The following DCHS2 variants were observed in gnomAD, a reference collection of about 807,000 sequenced individuals.
The protein encoded by DCHS2 is dachsous cadherin-related 2.
DCHS2 carries 142 observed loss-of-function variants against 182.4 expected under a neutral mutation model. That is an observed-to-expected ratio of 0.78 (90% CI 0.68 to 0.89). DCHS2 has a LOEUF of 0.89. Ranked by LOEUF, DCHS2 falls within the 40% of genes least tolerant of loss-of-function variation. The pLI is 0.00. For missense variants in DCHS2, 4,319 were observed against 4,198.6 expected (o/e 1.03, Z -0.79); for synonymous variants, 1,740 against 1,663.3 (o/e 1.05, Z -1.12).
At chr4:154,363,067 G>C (rs914462065) in intron 3 of DCHS2, among the ~76,000 whole-genome samples, 1 of 152,086 alleles carries the variant, frequency 6.6e-6, no homozygotes, top group Non-Finnish European at 1.5e-5. Context: ...AGAATCAACT[G>C]TATATTCTAA....
chr4:154,278,666 C>G (rs933012526), intron 13 of DCHS2, among the ~76,000 whole-genome samples: 2 of 151,254 alleles, frequency 1.3e-5, no homozygotes, highest in African/African-American at 4.9e-5. Flanking sequence ...AACAAGGGAG[C>G]TCCCATAAGA....
chr4:154,319,948 G>A (rs538181148), intron 9 of DCHS2, among the ~76,000 whole-genome samples: 1 of 151,764 alleles, frequency 6.6e-6, no homozygotes, highest in East Asian at 1.9e-4. Context: ...AATGTTAATC[G>A]GCAGATGAAT....
chr4:154,313,118 T>G (rs1341757531), intron 10 of DCHS2, among the ~76,000 whole-genome samples: 1 of 152,192 alleles, frequency 6.6e-6, no homozygotes, highest in Non-Finnish European at 1.5e-5. Context: ...GGCAATATAC[T>G]GTTAAGTTAT....
In DCHS2 at chr4:154,490,354, G is replaced by A. The variant is rs1198283980; in HGVS notation, c.1002C>T (p.Ser334=). Residue 334 remains serine, a synonymous_variant, in exon 1 of 20, where the codon AGC becomes AGT. Transcript: ENST00000357232. ...CCCCAGGCACTTGCCGGGCGCGGAC[G>A]CTGTAGCGCACGAAGCCATTGGGCC... ...DLGPNGFVRY[S]VRARQVPGAG... is the part of the protein sequence containing the mutation. 3.9e-6 allele frequency: 6 copies of A among 1,539,066 alleles called. No individual in the cohort carries two copies. The Admixed American group carries it at 1.2e-4, about 30-fold the overall frequency.
intron 9 of DCHS2, among the ~76,000 whole-genome samples, chr4:154,319,817 A>G (rs763453378): frequency 8.5e-5 from 13 of 152,210 alleles, no homozygotes; most frequent in African/African-American, 1.2e-4. Context: ...CATATGGCCC[A>G]GCAACTCCAC....
chr4:154,437,341 T>C (rs988337815), intron 1 of DCHS2, among the ~76,000 whole-genome samples: 6 of 151,730 alleles, frequency 4.0e-5, no homozygotes, highest in African/African-American at 1.5e-4. Flanking sequence ...CACTAACCAC[T>C]CTCATGATGA....
At position 154,237,124 on chromosome 4, in the gene DCHS2, C is replaced by G. The variant is rs1016890417; in HGVS notation, c.7528G>C (p.Asp2510His). 4.3e-6 allele frequency: 7 copies of G among 1,613,252 alleles called. No homozygotes were observed. The highest frequency in any genetic ancestry group is 5.9e-6 in the Non-Finnish European group (7 of 1,179,788). The change falls in exon 20 of 20, where the codon GAT (aspartate) becomes CAT (histidine). Residue 2510 changes from aspartate to histidine, a missense_variant. Coordinates refer to ENST00000357232, the MANE Select transcript of DCHS2 (RefSeq NM_001358235.2). ...IFTISPVLLL[D>H]TISTTQFLVE... Reference sequence around the variant, plus strand: ...AGAAATTGAGTTGTTGATATTGTATCCAGAAGTAATACGGGACTGATAGTA... The same window carrying G: ...AGAAATTGAGTTGTTGATATTGTATGCAGAAGTAATACGGGACTGATAGTA...
chr4:154,239,496 A>C (rs1411218877), intron 18 of DCHS2, among the ~76,000 whole-genome samples, 194 bp from the exon 19 acceptor site: 1 of 152,108 alleles, frequency 6.6e-6, no homozygotes, highest in Non-Finnish European at 1.5e-5. Flanking sequence ...TGGATTCAGA[A>C]AAAAAGGTGT....
intron 10 of DCHS2, among the ~76,000 whole-genome samples, chr4:154,306,558 G>C (rs1018617323): frequency 2.0e-5 from 3 of 152,008 alleles, no homozygotes; most frequent in African/African-American, 7.2e-5. Context: ...AAAAAAGAGA[G>C]AAATATCAGG....
At chr4:154,430,548 C>A (rs1733518470) in intron 1 of DCHS2, among the ~76,000 whole-genome samples, 1 of 152,186 alleles carries the variant, frequency 6.6e-6, no homozygotes, top group Non-Finnish European at 1.5e-5. Context: ...GAAGAGTTAA[C>A]TCCAAAAGGA....
At chr4:154,283,940 A>G (rs148085779) in intron 13 of DCHS2, among the ~76,000 whole-genome samples, 5,749 of 152,302 alleles carry the variant, frequency 0.038, 147 homozygotes, top group Non-Finnish European at 0.058. Context: ...GCTAGAATCC[A>G]GAGCCTGCAT....
At chr4:154,305,038 G>GT (rs1403843745) in intron 11 of DCHS2, 59 bp downstream of exon 11, 49 of 1,510,064 alleles carry the variant, frequency 3.2e-5, no homozygotes, top group Middle Eastern at 2.0e-4. Context: ...CACTTAACAG[G>GT]TTTTTTTTAA....
chr4:154,375,957 G>A (rs1730871745), intron 2 of DCHS2, among the ~76,000 whole-genome samples: 1 of 152,048 alleles, frequency 6.6e-6, no homozygotes, highest in Non-Finnish European at 1.5e-5. Context: ...ATAATTTTCA[G>A]CAAAAGAAAC....
At chr4:154,323,081 T>G (rs1396165657) in intron 7 of DCHS2, 1 of 1,046,684 alleles carries the variant, frequency 9.6e-7, no homozygotes. Context: ...TCTCTCTATT[T>G]GTCCTTGCAA....
At chr4:154,339,698 C>T (rs1175044943) in intron 3 of DCHS2, among the ~76,000 whole-genome samples, 10 of 152,126 alleles carry the variant, frequency 6.6e-5, no homozygotes, top group African/African-American at 2.4e-4. Flanking sequence ...CCGCCCATCT[C>T]GGCCTCCCAG....
chr4:154,361,654 C>A (rs1223517687), intron 3 of DCHS2, among the ~76,000 whole-genome samples: 1 of 151,894 alleles, frequency 6.6e-6, no homozygotes, highest in Non-Finnish European at 1.5e-5. Flanking sequence ...ACACATTTTA[C>A]AAAAATGTTC....
intron 2 of DCHS2, among the ~76,000 whole-genome samples, chr4:154,376,365 A>C (rs1357712876): frequency 6.6e-6 from 1 of 152,154 alleles, no homozygotes; most frequent in Non-Finnish European, 1.5e-5. Context: ...AAATACATCA[A>C]ATTTTTTAAA....
chr4:154,315,004 T>C (rs938692249), intron 10 of DCHS2, among the ~76,000 whole-genome samples: 20 of 152,304 alleles, frequency 1.3e-4, no homozygotes, highest in Admixed American at 1.3e-3. Flanking sequence ...TGAACCTTAG[T>C]TGCCAAAACA....
rs955746964 is a variant in DCHS2 at position 154,255,623 on chromosome 4, A to G, written c.6837T>C (p.Tyr2279=). The change falls in exon 16 of 20, where the codon TAT becomes TAC. Residue 2279 remains tyrosine, a synonymous_variant. Transcript: ENST00000357232. ...LDSGLNGLIE[Y]SILSGNQEEA... is the part of the protein sequence containing the mutation. ...CTTCTTGGTTGCCAGACAGAATAGAATACTCAATCAGGCCGTTCAAACCAC... is the reference window on the plus strand; with the variant it reads ...CTTCTTGGTTGCCAGACAGAATAGAGTACTCAATCAGGCCGTTCAAACCAC... 1.2e-6 allele frequency: 2 copies of G among 1,613,898 alleles called. No homozygotes were observed. Among genetic ancestry groups the G allele is most frequent in the Non-Finnish European group, 1.7e-6 (2 of 1,179,958 alleles).
Sources: allele counts gnomAD v4.1 joint callset (sites outside exome capture counted in the v4.1 genomes callset), GRCh38; gene constraint gnomAD v4.1.1; transcripts MANE v1.5; gene names NCBI Gene and HGNC (gene_info 2026-07-23, HGNC 2026-07-21).